EIF4G3: variants seen among roughly 807,000 people sequenced by gnomAD.
EIF4G3 encodes the protein eukaryotic translation initiation factor 4 gamma 3, also known as eIF-4-gamma 3.
Under a neutral mutation model 186.4 loss-of-function variants are expected in EIF4G3, and 34 were observed. The ratio of observed to expected loss-of-function variants is 0.18; its 90% CI spans 0.14 to 0.24. The LOEUF (loss-of-function observed/expected upper bound fraction) is 0.24, where lower values mean the gene tolerates loss of function less well. Ranked by LOEUF, EIF4G3 falls within the 10% of genes least tolerant of loss-of-function variation. The pLI, the probability that EIF4G3 is intolerant of heterozygous loss-of-function variation, is 1.00. For missense variants in EIF4G3, 1,536 were observed against 1,948.5 expected (o/e 0.79, Z 3.99); for synonymous variants, 673 against 679.5 (o/e 0.99, Z 0.15).
chr1:20,817,378 C>A lies in EIF4G3; in HGVS notation c.4515+14G>T. 6.6e-7 allele frequency: 1 copy of A among 1,511,636 alleles called. No homozygotes were observed. The highest frequency in any genetic ancestry group is 8.9e-7 in the Non-Finnish European group (1 of 1,121,874). The allele number at this position is 1,511,636 out of a possible 1,614,324, so 93.6% of individuals were successfully genotyped here. A position where few individuals can be genotyped will look rare whatever the true frequency, so the allele number is the denominator to read the frequency against. ...CCTGTAGAGGTATCAGGGAAGGTGA[C>A]ATAGTCTTTATACCTCTACCCAGTC... On this transcript the variant is annotated intron_variant, in intron 34 of 36. Coordinates refer to ENST00000602326, the MANE Select transcript of EIF4G3 (RefSeq NM_001391906.1).
intron 34 of EIF4G3, among the ~76,000 whole-genome samples, chr1:20,815,713 C>T (rs1186543783): frequency 3.5e-5 from 5 of 143,196 alleles, no homozygotes; most frequent in Non-Finnish European, 7.7e-5. Flanking sequence ...ATCCTCTGCC[C>T]GGCCGCCCCT....
chr1:21,157,618 G>T (rs1362967234), intron 2 of EIF4G3, among the ~76,000 whole-genome samples: 1 of 151,988 alleles, frequency 6.6e-6, no homozygotes, highest in Non-Finnish European at 1.5e-5. Flanking sequence ...TTACAGGTGT[G>T]AGCCACCACA....
intron 3 of EIF4G3, among the ~76,000 whole-genome samples, chr1:21,082,658 T>C (rs542663532): frequency 4.6e-5 from 7 of 151,908 alleles, no homozygotes; most frequent in South Asian, 2.1e-4. Context: ...TCCCAGCACT[T>C]TGAGTGGCTG....
chr1:21,007,810 T>C (rs2085714177), intron 4 of EIF4G3, among the ~76,000 whole-genome samples: 3 of 152,140 alleles, frequency 2.0e-5, no homozygotes, highest in South Asian at 4.1e-4. Flanking sequence ...AGAAAATATG[T>C]AGCAAATTTT....
chr1:21,038,776 A>G (rs1311347756), intron 4 of EIF4G3, among the ~76,000 whole-genome samples: 1 of 132,562 alleles, frequency 7.5e-6, no homozygotes, highest in Non-Finnish European at 1.8e-5. Context: ...AAAGTTATGT[A>G]TAAGTTCTTT....
chr1:20,902,344 A>C (rs1352475543), intron 15 of EIF4G3, among the ~76,000 whole-genome samples: 2 of 152,168 alleles, frequency 1.3e-5, no homozygotes, highest in Admixed American at 6.5e-5. Flanking sequence ...TTACAGGCGT[A>C]AGCCACCATG....
At chr1:20,936,671 C>G (rs143695206) in intron 14 of EIF4G3, among the ~76,000 whole-genome samples, 46 of 152,250 alleles carry the variant, frequency 3.0e-4, no homozygotes, top group African/African-American at 9.6e-4. Context: ...TTTTATATCT[C>G]TGGTTTTATG....
chr1:21,072,443 G>A (rs542014405), intron 3 of EIF4G3, among the ~76,000 whole-genome samples: 10 of 151,962 alleles, frequency 6.6e-5, no homozygotes, highest in South Asian at 6.2e-4. Context: ...TCACTCTGTC[G>A]CCAAGGCTGG....
chr1:21,003,814 C>A, intron 4 of EIF4G3: 1 of 390,014 alleles, frequency 2.6e-6, no homozygotes, highest in South Asian at 2.1e-5. Context: ...ATTGCCTTAT[C>A]ATGCCTCATC....
intron 19 of EIF4G3, among the ~76,000 whole-genome samples, chr1:20,883,982 A>G (rs1012322598): frequency 6.6e-6 from 1 of 152,200 alleles, no homozygotes; most frequent in Admixed American, 6.5e-5. Flanking sequence ...AGAAGCCCAG[A>G]CATGTCCTGA....
chr1:21,058,707 C>CT (rs34459109), intron 3 of EIF4G3, among the ~76,000 whole-genome samples: 2,251 of 102,836 alleles, frequency 0.022, 31 homozygotes, highest in Non-Finnish European at 0.031. Flanking sequence ...TCTTCTTCTT[C>CT]TCTCTCTCTC....
intron 3 of EIF4G3, among the ~76,000 whole-genome samples, chr1:21,058,822 G>A (rs185014760): frequency 6.7e-5 from 9 of 133,458 alleles, no homozygotes; most frequent in East Asian, 2.5e-4. Flanking sequence ...TCCTACCTCC[G>A]CTTCCCAAAG....
chr1:20,990,583 T>A (rs2080860347), intron 7 of EIF4G3, among the ~76,000 whole-genome samples: 1 of 151,842 alleles, frequency 6.6e-6, no homozygotes, highest in Non-Finnish European at 1.5e-5. Context: ...GAGGCAGAAT[T>A]GCTTGAACCC....
chr1:20,905,546 CTT>C (rs2091821783), intron 14 of EIF4G3, among the ~76,000 whole-genome samples: 1 of 152,104 alleles, frequency 6.6e-6, no homozygotes. Context: ...TTTGCCTAGC[CTT>C]TCATATTGAT....
At chr1:21,122,921 G>T (rs1461948722) in intron 2 of EIF4G3, among the ~76,000 whole-genome samples, 1 of 152,076 alleles carries the variant, frequency 6.6e-6, no homozygotes, top group Non-Finnish European at 1.5e-5. Context: ...CTAGAGAAAA[G>T]TTAAAATAAT....
intron 13 of EIF4G3, among the ~76,000 whole-genome samples, chr1:20,946,334 A>G (rs2095946997): frequency 6.6e-6 from 1 of 152,186 alleles, no homozygotes; most frequent in African/African-American, 2.4e-5. Context: ...CCTCAGTACA[A>G]TGGATTTAAT....
chr1:20,879,187 G>T, intron 20 of EIF4G3, 136 bp downstream of exon 20: 1 of 607,862 alleles, frequency 1.6e-6, no homozygotes, highest in Non-Finnish European at 2.5e-6. Flanking sequence ...TTAATAATGA[G>T]AATATTATAT....
chr1:20,931,992 ATC>A (rs2095334104), intron 14 of EIF4G3, among the ~76,000 whole-genome samples: 1 of 152,090 alleles, frequency 6.6e-6, no homozygotes, highest in African/African-American at 2.4e-5. Context: ...CAATATCAGT[ATC>A]TGTTGGTTTT....
chr1:21,045,906 C>T lies in EIF4G3; in HGVS notation c.-67+4960G>A, dbSNP rs561186750. Reference sequence around the variant, plus strand: ...CTACTTTCAAGTTAGTGTCCAAAACCCACGGAAGTCTTAAAGAAAATTCTG... The same window carrying T: ...CTACTTTCAAGTTAGTGTCCAAAACTCACGGAAGTCTTAAAGAAAATTCTG... On this transcript the variant is annotated intron_variant, in intron 4 of 36. Coordinates refer to ENST00000602326, the MANE Select transcript of EIF4G3 (RefSeq NM_001391906.1). Among the ~76,000 whole-genome samples, 6 of 152,128 alleles carry T rather than the reference C, an allele frequency of 3.9e-5. No homozygotes were observed. The South Asian group carries it at 1.2e-3, about 32-fold the overall frequency.
Sources: gnomAD v4.1 joint callset for allele counts (sites outside exome capture counted in the v4.1 genomes callset) on GRCh38, gnomAD v4.1.1 for gene constraint, MANE v1.5 for transcripts, NCBI Gene and HGNC (gene_info 2026-07-23, HGNC 2026-07-21) for gene names.